The following PCDHA7 variants were observed in gnomAD, a reference collection of about 807,000 sequenced individuals.
PCDHA7 encodes the protein protocadherin alpha 7.
PCDHA7 carries 37 observed loss-of-function variants against 57.2 expected under a neutral mutation model. That is an observed-to-expected ratio of 0.65 (90% CI 0.50 to 0.85). PCDHA7 has a LOEUF of 0.85. Ranked by LOEUF, PCDHA7 falls within the 40% of genes least tolerant of loss-of-function variation. The probability of loss-of-function intolerance (pLI) is 0.00; values close to 1 mark genes in which losing one functional copy is unlikely to be tolerated. For synonymous variants in PCDHA7, 553 were observed against 558.8 expected, an observed-to-expected ratio of 0.99 and a Z score of 0.15; for missense variants, 1,188 against 1,241.8, an observed-to-expected ratio of 0.96 and a Z score of 0.65.
intron 1 of PCDHA7, among the ~76,000 whole-genome samples, chr5:140,913,558 G>C (rs1042223174): frequency 2.6e-5 from 4 of 151,668 alleles, no homozygotes; most frequent in African/African-American, 4.8e-5. Flanking sequence ...TTGATCTCTT[G>C]TATTTTCATC....
chr5:140,874,745 A>G (rs2055087824), intron 1 of PCDHA7, among the ~76,000 whole-genome samples: 2 of 152,242 alleles, frequency 1.3e-5, no homozygotes, highest in African/African-American at 4.8e-5. Flanking sequence ...GCATCAAGGA[A>G]CCAAACAATA....
At chr5:140,883,202 G>T in intron 1 of PCDHA7, 1 of 1,613,916 alleles carries the variant, frequency 6.2e-7, no homozygotes, top group Non-Finnish European at 8.5e-7. Context: ...AGATTTCGAA[G>T]AAAAGAAATT....
chr5:140,875,192 C>A, intron 1 of PCDHA7: 2 of 509,100 alleles, frequency 3.9e-6, no homozygotes, highest in Non-Finnish European at 6.3e-6. Context: ...AAGAGTGACC[C>A]AGGAAGTGGC....
At chr5:140,947,234 AAAAAT>A (rs1164220377) in intron 1 of PCDHA7, among the ~76,000 whole-genome samples, 3 of 151,602 alleles carry the variant, frequency 2.0e-5, no homozygotes, top group Non-Finnish European at 3.0e-5. Flanking sequence ...GACAGGAAAA[AAAAAT>A]AAGATAATCC....
At chr5:140,858,581 T>A in intron 1 of PCDHA7, 1 of 1,350,098 alleles carries the variant, frequency 7.4e-7, no homozygotes, top group Non-Finnish European at 1.0e-6. Flanking sequence ...CTTTGTAATA[T>A]AATTTATTCC....
At chr5:140,901,644 G>A (rs1223864756) in intron 1 of PCDHA7, among the ~76,000 whole-genome samples, 1 of 152,024 alleles carries the variant, frequency 6.6e-6, no homozygotes, top group Non-Finnish European at 1.5e-5. Context: ...GATTCTTCCG[G>A]TTTTGTTCTT....
chr5:141,000,904 T>A lies in PCDHA7; in HGVS notation c.2504-8723T>A, dbSNP rs1398868730. Among the ~76,000 whole-genome samples, 6 of 151,990 alleles carry A rather than the reference T, an allele frequency of 3.9e-5. No individual in the cohort carries two copies. The East Asian group carries it at 1.2e-3, about 29-fold the overall frequency. On this transcript the variant is annotated intron_variant, in intron 3 of 3. Coordinates refer to ENST00000525929, the MANE Select transcript of PCDHA7 (RefSeq NM_018910.3). ...ACCTGGGCAACAGATATAGACGCTGTCTCTAAAAAAAAAAATCCTGTGTGA... is the reference window on the plus strand; with the variant it reads ...ACCTGGGCAACAGATATAGACGCTGACTCTAAAAAAAAAAATCCTGTGTGA...
intron 1 of PCDHA7, among the ~76,000 whole-genome samples, chr5:140,974,980 G>A (rs149148015): frequency 2.4e-4 from 36 of 152,208 alleles, no homozygotes; most frequent in Non-Finnish European, 5.0e-4. Context: ...TGAGTTGTCC[G>A]CTCAGGTATT....
intron 1 of PCDHA7, among the ~76,000 whole-genome samples, chr5:140,962,147 T>C (rs2095660496): frequency 1.3e-5 from 2 of 152,176 alleles, no homozygotes; most frequent in South Asian, 4.1e-4. Context: ...AGTGCTGGGA[T>C]TACAGGCGTG....
chr5:140,835,364 C>T lies in PCDHA7; in HGVS notation c.981C>T (p.Phe327=). 1 of 1,613,892 alleles carries T rather than the reference C, an allele frequency of 6.2e-7. No homozygotes were observed. Among genetic ancestry groups the T allele is most frequent in the Non-Finnish European group, 8.5e-7 (1 of 1,179,842 alleles). Residue 327 remains phenylalanine (F), a synonymous_variant, in exon 1 of 4, where the codon TTC becomes TTT. Coordinates refer to ENST00000525929, the MANE Select transcript of PCDHA7 (RefSeq NM_018910.3). The part of the protein sequence containing the change: ...KIPVEAVDKG[F]PPLAGHCTVL... The stretch of plus-strand genomic sequence containing the variant: ...CAGTCGAGGCTGTCGATAAAGGCTT[C>T]CCACCCCTGGCTGGTCATTGTACAG...
At chr5:140,876,607 T>A in intron 1 of PCDHA7, 1 of 1,614,186 alleles carries the variant, frequency 6.2e-7, no homozygotes, top group Non-Finnish European at 8.5e-7. Context: ...GGATCGTGAC[T>A]CTGGAGCCAA....
intron 1 of PCDHA7, chr5:140,857,829 G>A: frequency 1.9e-6 from 3 of 1,597,788 alleles, no homozygotes; most frequent in Non-Finnish European, 2.6e-6. Context: ...GCTAAGGTGC[G>A]CGCAGTGGAC....
Position 140,850,531 on chromosome 5 carries a change from C to T in PCDHA7, c.2355+13793C>T, listed in dbSNP as rs2150488289. 32 of 1,598,158 alleles carry T rather than the reference C, an allele frequency of 2.0e-5. 1 individual carries two copies. The East Asian group carries it at 2.5e-4, about 12-fold the overall frequency. On this transcript the variant is annotated intron_variant, in intron 1 of 3. Coordinates refer to ENST00000525929, the MANE Select transcript of PCDHA7 (RefSeq NM_018910.3). ...GAGAGCGGCCAGGCGCCAAAGTCAT[C>T]GTCGCGGGCGTCAGTGGGTGCCACG...
intron 1 of PCDHA7, among the ~76,000 whole-genome samples, chr5:140,925,964 C>CA (rs782520997): frequency 4.3e-4 from 65 of 150,204 alleles, no homozygotes; most frequent in Middle Eastern, 3.4e-3. Flanking sequence ...TGCTATCACG[C>CA]AAAAAAAAAG....
intron 1 of PCDHA7, among the ~76,000 whole-genome samples, chr5:140,958,025 A>G (rs920360369): frequency 1.3e-5 from 2 of 152,150 alleles, no homozygotes; most frequent in Non-Finnish European, 2.9e-5. Flanking sequence ...CAAGTATACT[A>G]TGCTTTCTTT....
In PCDHA7 at chr5:140,843,436, C is replaced by T; in HGVS notation, c.2355+6698C>T. On this transcript the variant is annotated intron_variant, in intron 1 of 3. Coordinates refer to ENST00000525929, the MANE Select transcript of PCDHA7 (RefSeq NM_018910.3). ...ACGTGTACCTGATCATCGCCATCTG[C>T]GCGGTATCCAGCCTGCTGGTGCTCA... 2.5e-6 allele frequency: 4 copies of T among 1,596,080 alleles called. 1 individual carries two copies. The highest frequency in any genetic ancestry group is 3.4e-6 in the Non-Finnish European group (4 of 1,165,610).
chr5:140,836,490 G>T lies in PCDHA7; in HGVS notation c.2107G>T (p.Ala703Ser). ...LVDVNVYLII[A>S]ICAVSSLLVL... Reference sequence around the variant, plus strand: ...GGATGTCAACGTGTACCTGATCATCGCCATCTGCGCGGTGTCCAGTCTGTT... The same window carrying T: ...GGATGTCAACGTGTACCTGATCATCTCCATCTGCGCGGTGTCCAGTCTGTT... Residue 703 changes from alanine (A) to serine (S), a missense_variant, in exon 1 of 4, where the codon GCC (alanine) becomes TCC (serine). Ala to Ser is a moderately conservative substitution (Grantham distance 99, BLOSUM62 1). Coordinates refer to ENST00000525929, the MANE Select transcript of PCDHA7 (RefSeq NM_018910.3). 1 of 1,613,864 alleles carries T rather than the reference G, an allele frequency of 6.2e-7. No homozygotes were observed. The highest frequency in any genetic ancestry group is 8.5e-7 in the Non-Finnish European group (1 of 1,179,858).
intron 1 of PCDHA7, among the ~76,000 whole-genome samples, chr5:140,839,987 G>A (rs187099249): frequency 6.6e-6 from 1 of 152,212 alleles, no homozygotes; most frequent in African/African-American, 2.4e-5. Context: ...TTGGAAAGTG[G>A]TTAGCCTTAG....
intron 1 of PCDHA7, among the ~76,000 whole-genome samples, chr5:140,840,240 T>A (rs1483870006): frequency 1.3e-5 from 2 of 152,050 alleles, no homozygotes; most frequent in Non-Finnish European, 2.9e-5. Context: ...GGAGAATCAC[T>A]ATGCTATAAA....
Sources: allele counts gnomAD v4.1 joint callset (sites outside exome capture counted in the v4.1 genomes callset), GRCh38; gene constraint gnomAD v4.1.1; transcripts MANE v1.5; gene names NCBI Gene and HGNC (gene_info 2026-07-23, HGNC 2026-07-21).